The following FREM3 variants were observed in gnomAD, a reference collection of about 807,000 sequenced individuals.
The protein encoded by FREM3 is FRAS1 related extracellular matrix 3, also known as FRAS1-related extracellular matrix protein 3.
FREM3 carries 105 observed loss-of-function variants against 129.1 expected under a neutral mutation model. The observed-to-expected ratio is 0.81, with a 90% CI of 0.69 to 0.96. The LOEUF is 0.96. Among genes scored for constraint, FREM3 ranks in the 40% least tolerant of loss-of-function variants. FREM3 has a pLI of 0.00. For synonymous variants in FREM3, 1,014 were observed against 1,044.9 expected, an observed-to-expected ratio of 0.97 and a Z score of 0.57; for missense variants, 2,593 against 2,666.3, an observed-to-expected ratio of 0.97 and a Z score of 0.61.
In FREM3 at chr4:143,585,984, A is replaced by G. The variant is rs1239087415; in HGVS notation, c.6038T>C (p.Leu2013Pro). ...ILADRYDEPV[L>P]HFGDAEYHVN... is the part of the protein sequence containing the mutation. ...GTGATATTCAGCATCCCCAAAGTGC[A>G]GGACAGGTTCTAAAGAGGCAAAAAA... Residue 2013 changes from leucine (L) to proline (P), a missense_variant, in exon 7 of 8, where the codon CTG (leucine) becomes CCG (proline). Coordinates refer to ENST00000329798, the MANE Select transcript of FREM3 (RefSeq NM_001168235.2). The surrounding 1 kb of genome is among the most constrained non-coding windows in gnomAD (Gnocchi z 4.2). 9.8e-6 allele frequency: 15 copies of G among 1,537,684 alleles called. No individual in the cohort carries two copies. The highest frequency in any genetic ancestry group is 1.3e-5 in the Non-Finnish European group (15 of 1,147,006).
chr4:143,624,490 G>A (rs1739011438), intron 3 of FREM3, among the ~76,000 whole-genome samples, 152 bp from the exon 4 acceptor site: 1 of 152,138 alleles, frequency 6.6e-6, no homozygotes, highest in Admixed American at 6.5e-5. Context: ...ATCTTTCTTG[G>A]CTAAGAGAGT....
intron 6 of FREM3, among the ~76,000 whole-genome samples, chr4:143,594,313 T>C (rs893255648): frequency 6.6e-6 from 1 of 152,166 alleles, no homozygotes; most frequent in African/African-American, 2.4e-5. Flanking sequence ...CCGTCTTCTG[T>C]GTCGCTCACG....
chr4:143,615,701 AAGTGTC>A (rs1738830679), intron 5 of FREM3, among the ~76,000 whole-genome samples: 1 of 128,458 alleles, frequency 7.8e-6, no homozygotes, highest in Admixed American at 7.8e-5. Flanking sequence ...GAATATCGTC[AAGTGTC>A]AAAAAAAAAA....
At chr4:143,586,954 C>T (rs1738253845) in intron 6 of FREM3, among the ~76,000 whole-genome samples, 1 of 152,182 alleles carries the variant, frequency 6.6e-6, no homozygotes, top group African/African-American at 2.4e-5. Flanking sequence ...GAGATGACAC[C>T]TTTGCAAATA....
intron 2 of FREM3, among the ~76,000 whole-genome samples, chr4:143,637,998 T>G (rs758019394): frequency 6.6e-6 from 1 of 152,148 alleles, no homozygotes; most frequent in African/African-American, 2.4e-5. Flanking sequence ...TTTTTGGAGA[T>G]GTACCCAAAC....
intron 2 of FREM3, among the ~76,000 whole-genome samples, chr4:143,635,613 AACT>A (rs1321599742): frequency 6.6e-6 from 1 of 152,226 alleles, no homozygotes; most frequent in Non-Finnish European, 1.5e-5. Context: ...ACTGATTAAG[AACT>A]ACTGGTGTAG....
rs1250614645 is a variant in FREM3, at chr4:143,698,170, C to G, written c.2506G>C (p.Gly836Arg). 1.3e-6 allele frequency: 2 copies of G among 1,537,436 alleles called. No individual in the cohort carries two copies. ...DNQPPEVTNR[G>R]FAILEGGSFN... is the part of the protein sequence containing the mutation. ...CTGCCTCCCTCTAAGATAGCAAAGC[C>G]TCTGTTGGTGACTTCTGGGGGCTGG... Residue 836 changes from glycine to arginine, a missense_variant, in exon 1 of 8, where the codon GGC becomes CGC. Coordinates refer to ENST00000329798, the MANE Select transcript of FREM3 (RefSeq NM_001168235.2).
At chr4:143,659,954 T>C (rs1299681205) in intron 2 of FREM3, among the ~76,000 whole-genome samples, 5 of 151,500 alleles carry the variant, frequency 3.3e-5, no homozygotes, top group South Asian at 2.1e-4. Flanking sequence ...GTAAATTTGT[T>C]TGAGTTCATT....
At position 143,695,536 on chromosome 4, in the gene FREM3, TAATG is replaced by T; in HGVS notation, c.5136_5139del (p.Phe1712LeufsTer22). The T allele has an allele frequency of 6.5e-7, 1 of 1,537,526 alleles. No individual in the cohort carries two copies. Among genetic ancestry groups the T allele is most frequent in the Non-Finnish European group, 8.7e-7 (1 of 1,146,968 alleles). ...CTCTGGTTTCCAAGGCCAGTTTTGATAATGAAGCCATGCTCTGGTCCTCTGGTCA... is the reference window on the plus strand; with the variant it reads ...CTCTGGTTTCCAAGGCCAGTTTTGATAAGCCATGCTCTGGTCCTCTGGTCA... On this transcript the variant is annotated frameshift_variant, in exon 1 of 8. Coordinates refer to ENST00000329798, the MANE Select transcript of FREM3 (RefSeq NM_001168235.2). LOFTEE classifies it high-confidence loss of function.
At chr4:143,624,675 G>A (rs1186453893) in intron 3 of FREM3, among the ~76,000 whole-genome samples, 1 of 152,164 alleles carries the variant, frequency 6.6e-6, no homozygotes, top group African/African-American at 2.4e-5. Flanking sequence ...ATAAGAAATT[G>A]TCCCAGCCCC....
At chr4:143,578,928 G>GTATCA (rs1738086446) in intron 7 of FREM3, among the ~76,000 whole-genome samples, 1 of 152,126 alleles carries the variant, frequency 6.6e-6, no homozygotes, top group Non-Finnish European at 1.5e-5. Flanking sequence ...AATGAGGTCT[G>GTATCA]AGTAGATTAT....
intron 6 of FREM3, among the ~76,000 whole-genome samples, chr4:143,595,412 T>G (rs943215282): frequency 1.3e-5 from 2 of 152,212 alleles, no homozygotes; most frequent in African/African-American, 4.8e-5. Flanking sequence ...TAAAAAATAT[T>G]TTTTACTTCA....
In FREM3 at chr4:143,696,058, A is replaced by G. The variant is rs746434901; in HGVS notation, c.4618T>C (p.Leu1540=). ...ITDVDNKKPI[L]TIHRLTLQKE... is the part of the protein sequence containing the mutation. ...TGTAGTGTTAGTCTATGGATGGTCA[A>G]GATAGGTTTCTTATTATCCACATCA... is the stretch of plus-strand genomic sequence containing the variant. The change falls in exon 1 of 8, where the codon TTG becomes CTG. Residue 1540 remains leucine (L), a synonymous_variant. Coordinates refer to ENST00000329798, the MANE Select transcript of FREM3 (RefSeq NM_001168235.2). 1 of 1,537,572 alleles carries G rather than the reference A, an allele frequency of 6.5e-7. No individual in the cohort carries two copies. The highest frequency in any genetic ancestry group is 1.4e-5 in the African/African-American group (1 of 73,050).
rs2149865068 is a variant in FREM3, at chr4:143,698,172, C to T, written c.2504G>A (p.Arg835Lys). 6.5e-7 allele frequency: 1 copy of T among 1,537,462 alleles called. No homozygotes were observed. The highest frequency in any genetic ancestry group is 8.7e-7 in the Non-Finnish European group (1 of 1,146,972). ...GCCTCCCTCTAAGATAGCAAAGCCT[C>T]TGTTGGTGACTTCTGGGGGCTGGTT... is the stretch of plus-strand genomic sequence containing the variant. The part of the protein sequence containing the change: ...VDNQPPEVTN[R>K]GFAILEGGSF... Residue 835 changes from arginine to lysine, a missense_variant, in exon 1 of 8, where the codon AGA (arginine) becomes AAA (lysine). By Grantham distance (26) the Arg-to-Lys change is conservative (BLOSUM62 2). Around this residue, in one of 2 missense-constraint regions of FREM3, gnomAD observed 2,276 missense variants for 2,267.2 expected, o/e 1.00. Transcript: ENST00000329798.
At chr4:143,589,134 A>G (rs868694272) in intron 6 of FREM3, among the ~76,000 whole-genome samples, 376 of 152,112 alleles carry the variant, frequency 2.5e-3, no homozygotes, top group Middle Eastern at 6.8e-3. Flanking sequence ...TAGATTCTGG[A>G]TATTAGCCCT....
chr4:143,647,612 G>A (rs945772680), intron 2 of FREM3, among the ~76,000 whole-genome samples: 7 of 152,268 alleles, frequency 4.6e-5, no homozygotes, highest in East Asian at 1.9e-4. Flanking sequence ...AACATACAGC[G>A]CAGGCCATTG....
At chr4:143,641,881 C>A (rs1739325869) in intron 2 of FREM3, among the ~76,000 whole-genome samples, 1 of 152,080 alleles carries the variant, frequency 6.6e-6, no homozygotes, top group East Asian at 1.9e-4. Flanking sequence ...CTGTCAAATT[C>A]ATAAATCTTA....
chr4:143,638,034 C>T (rs960251469), intron 2 of FREM3, among the ~76,000 whole-genome samples: 5 of 152,054 alleles, frequency 3.3e-5, no homozygotes, highest in Admixed American at 6.6e-5. Context: ...TTTGGCTCTC[C>T]GTTTTGGAGA....
Position 143,699,944 on chromosome 4 carries a change from A to G in FREM3, c.732T>C (p.Ala244=), listed in dbSNP as rs1442288812. The G allele has an allele frequency of 1.3e-6, 2 of 1,531,754 alleles. No homozygotes were observed. The highest frequency in any genetic ancestry group is 1.4e-5 in the African/African-American group (1 of 72,970). The allele number at this position is 1,531,754 out of a possible 1,614,324, so 94.9% of individuals were successfully genotyped here. A position where few individuals can be genotyped will look rare whatever the true frequency, so the allele number is the denominator to read the frequency against. ...GATAGCGCACCCCAGCACGGAGGAAAGCCTCACAGTCTACGCCCTTGCCCC... is the reference window on the plus strand; with the variant it reads ...GATAGCGCACCCCAGCACGGAGGAAGGCCTCACAGTCTACGCCCTTGCCCC... The part of the protein sequence containing the change: ...LPRGKGVDCE[A]FLRAGVRYQH... Residue 244 remains alanine (A), a synonymous_variant, in exon 1 of 8, where the codon GCT becomes GCC. Coordinates refer to ENST00000329798, the MANE Select transcript of FREM3 (RefSeq NM_001168235.2). The surrounding 1 kb of genome is among the most constrained non-coding windows in gnomAD (Gnocchi z 4.2).
Sources: allele counts gnomAD v4.1 joint callset (sites outside exome capture counted in the v4.1 genomes callset), GRCh38; gene constraint gnomAD v4.1.1; regional missense constraint gnomAD v4.1.1; non-coding constraint Gnocchi (gnomAD v3.1); transcripts MANE v1.5; gene names NCBI Gene and HGNC (gene_info 2026-07-23, HGNC 2026-07-21).